The following PIK3C2G variants were observed in gnomAD, a reference collection of about 807,000 sequenced individuals.
PIK3C2G encodes phosphatidylinositol 3-kinase C2 domain-containing subunit gamma.
A neutral mutation model predicts 181.1 loss-of-function variants in PIK3C2G; 168 were observed. The ratio of observed to expected loss-of-function variants is 0.93; its 90% confidence interval spans 0.82 to 1.05. PIK3C2G has a LOEUF of 1.05. PIK3C2G is among the 50% of genes least tolerant of loss of function. PIK3C2G has a pLI of 0.00. For missense variants in PIK3C2G, 1,869 were observed against 1,732.8 expected (o/e 1.08, Z -1.40); for synonymous variants, 573 against 592.2 (o/e 0.97, Z 0.47).
At position 18,503,314 on chromosome 12, in the gene PIK3C2G, T is replaced by C. The variant is rs1319892831; in HGVS notation, c.3050T>C (p.Leu1017Pro). The change falls in exon 23 of 33, where the codon CTA (leucine) becomes CCA (proline). Residue 1017 changes from leucine to proline, a missense_variant. Leu to Pro is a moderately conservative substitution (Grantham distance 98). Transcript: ENST00000538779. ...LVQMVPDAVTLAKIHRHSGLI... is the reference protein window; with the variant it reads ...LVQMVPDAVTPAKIHRHSGLI... ...CAGATGGTACCTGATGCTGTGACCC[T>C]AGCAAAGATTCATCGCCATTCTGGA... 1 of 1,611,474 alleles carries C rather than the reference T, an allele frequency of 6.2e-7. No individual in the cohort carries two copies. Among genetic ancestry groups the C allele is most frequent in the African/African-American group, 1.3e-5 (1 of 74,808 alleles).
At chr12:18,285,497 A>G (rs538518094) in intron 2 of PIK3C2G, 3 of 152,224 alleles carry the variant, frequency 2.0e-5, no homozygotes, top group African/African-American at 7.2e-5. Context: ...CAAGCAATAT[A>G]ATAGCATGTT....
intron 3 of PIK3C2G, among the ~76,000 whole-genome samples, chr12:18,289,080 A>C (rs1432586005): frequency 6.6e-6 from 1 of 152,218 alleles, no homozygotes; most frequent in African/African-American, 2.4e-5. Context: ...AAAATGATTA[A>C]ATGTATACAT....
chr12:18,650,327 C>CTATATA (rs1193529296), downstream of PIK3C2G, among the ~76,000 whole-genome samples: 28 of 79,728 alleles, frequency 3.5e-4, no homozygotes, highest in African/African-American at 9.4e-4. Context: ...CTCTCTCTCT[C>CTATATA]TCTCTATATA....
chr12:18,496,639 G>A lies in PIK3C2G; in HGVS notation c.2886+485G>A, dbSNP rs1941033880. Reference sequence around the variant, plus strand: ...CATCATTAATCCCACTGGAAAAACAGAGAAAAGGTAGTAACAGGTTTATAA... The same window carrying A: ...CATCATTAATCCCACTGGAAAAACAAAGAAAAGGTAGTAACAGGTTTATAA... On this transcript the variant is annotated intron_variant, in intron 21 of 32. Coordinates refer to ENST00000538779, the MANE Select transcript of PIK3C2G (RefSeq NM_001288772.2). Among the ~76,000 whole-genome samples the A allele has an allele frequency of 2.6e-5, 4 of 152,076 alleles. No individual in the cohort carries two copies. The South Asian group carries it at 8.3e-4, about 31-fold the overall frequency.
At chr12:18,579,927 G>A (rs1946410530) in intron 29 of PIK3C2G, among the ~76,000 whole-genome samples, 1 of 152,106 alleles carries the variant, frequency 6.6e-6, no homozygotes, top group Non-Finnish European at 1.5e-5. Flanking sequence ...GAGGTCAAGA[G>A]ATCAAGACCA....
At chr12:18,535,874 C>T (rs1291981132) in intron 24 of PIK3C2G, among the ~76,000 whole-genome samples, 6 of 151,908 alleles carry the variant, frequency 3.9e-5, no homozygotes, top group African/African-American at 9.7e-5. Context: ...AACCAAACAC[C>T]GCATGTTCTC....
chr12:18,380,432 C>A (rs533370772), intron 13 of PIK3C2G, among the ~76,000 whole-genome samples: 1 of 152,192 alleles, frequency 6.6e-6, no homozygotes, highest in Non-Finnish European at 1.5e-5. Context: ...TTCTGCCTAA[C>A]ACTAATCCAA....
chr12:18,566,980 A>C lies in PIK3C2G; in HGVS notation c.3934A>C (p.Asn1312His). 1 of 1,601,088 alleles carries C rather than the reference A, an allele frequency of 6.2e-7. No homozygotes were observed. Among genetic ancestry groups the C allele is most frequent in the Admixed American group, 1.7e-5 (1 of 59,890 alleles). Residue 1312 changes from asparagine (N) to histidine (H), a missense_variant, in exon 29 of 33, where the codon AAT becomes CAT. By Grantham distance (68) the Asn-to-His change is moderately conservative. Coordinates refer to ENST00000538779, the MANE Select transcript of PIK3C2G (RefSeq NM_001288772.2). ...TCATTGGTGGCACCTACCTTTTACA[A>C]ATTCAGATCACAGAAGATTCAGAGA... is the stretch of plus-strand genomic sequence containing the variant. The part of the protein sequence containing the change: ...FPHWWHLPFT[N>H]SDHRRFRDLN...
the PIK3C2G span, chr12:18,705,442 T>G: frequency 1.8e-6 from 2 of 1,109,830 alleles, no homozygotes; most frequent in Non-Finnish European, 2.6e-6. Flanking sequence ...AAATAACTAT[T>G]CTTTAAACTG....
the PIK3C2G span, chr12:18,715,895 T>G: frequency 6.6e-6 from 1 of 152,186 alleles, no homozygotes; most frequent in Non-Finnish European, 1.5e-5. Flanking sequence ...CTTCAGAGTT[T>G]TCTTAACTAA....
At chr12:18,551,866 T>A (rs1944749178) in intron 26 of PIK3C2G, among the ~76,000 whole-genome samples, 1 of 152,136 alleles carries the variant, frequency 6.6e-6, no homozygotes, top group African/African-American at 2.4e-5. Flanking sequence ...TTGCCCAATA[T>A]TCCTCAGTGT....
chr12:18,491,795 TG>T (rs1940596184), intron 20 of PIK3C2G, among the ~76,000 whole-genome samples: 1 of 148,202 alleles, frequency 6.7e-6, no homozygotes, highest in African/African-American at 2.5e-5. Flanking sequence ...ATCAGTTCAG[TG>T]AAAAAAAAAA....
the PIK3C2G span, among the ~76,000 whole-genome samples, chr12:18,721,847 T>C: frequency 1.3e-5 from 2 of 151,824 alleles, no homozygotes; most frequent in South Asian, 2.1e-4. Context: ...AAATTGTCAC[T>C]AAGACTCAAC....
chr12:18,325,120 T>G, intron 8 of PIK3C2G, 22 bp downstream of exon 8: 1 of 1,388,168 alleles, frequency 7.2e-7, no homozygotes, highest in South Asian at 1.2e-5. Flanking sequence ...TGTTACTTTA[T>G]CCATCAATTC....
chr12:18,557,175 T>G (rs1386397131), intron 26 of PIK3C2G, among the ~76,000 whole-genome samples: 1 of 152,082 alleles, frequency 6.6e-6, no homozygotes, highest in East Asian at 1.9e-4. Flanking sequence ...TTAAAAATGA[T>G]AAGCATTCTT....
chr12:18,258,364 T>C (rs1342671593), upstream of PIK3C2G, among the ~76,000 whole-genome samples: 1 of 152,066 alleles, frequency 6.6e-6, no homozygotes, highest in Non-Finnish European at 1.5e-5. Flanking sequence ...ATGACTATGT[T>C]GCACAATGGA....
At chr12:18,649,470 C>A (rs1234493223), downstream of PIK3C2G, among the ~76,000 whole-genome samples, 1 of 152,058 alleles carries the variant, frequency 6.6e-6, no homozygotes, top group Admixed American at 6.6e-5. Flanking sequence ...TTCTGGACAC[C>A]ATGCAACCAT....
At chr12:18,478,317 T>C (rs564465211) in intron 18 of PIK3C2G, among the ~76,000 whole-genome samples, 153 of 152,312 alleles carry the variant, frequency 1.0e-3, no homozygotes, top group African/African-American at 3.5e-3. Flanking sequence ...ATTTCTTTTC[T>C]GCTACATTTT....
chr12:18,662,367 T>G, the PIK3C2G span, among the ~76,000 whole-genome samples: 1 of 152,000 alleles, frequency 6.6e-6, no homozygotes, highest in South Asian at 2.1e-4. Context: ...ATTAAGAAAT[T>G]AATAAATGAG....
Sources: allele counts gnomAD v4.1 joint callset (sites outside exome capture counted in the v4.1 genomes callset), GRCh38; gene constraint gnomAD v4.1.1; transcripts MANE v1.5; gene names NCBI Gene and HGNC (gene_info 2026-07-23, HGNC 2026-07-21).